ULK4: variants seen among roughly 807,000 people sequenced by gnomAD.
ULK4 encodes inactive serine/threonine-protein kinase ULK4.
A neutral mutation model predicts 160.6 loss-of-function variants in ULK4; 133 were observed. That is an observed-to-expected ratio of 0.83 (90% confidence interval 0.72 to 0.96). ULK4 has a LOEUF of 0.96. Among genes scored for constraint, ULK4 ranks in the 40% least tolerant of loss-of-function variants. ULK4 has a pLI of 0.00. For synonymous variants in ULK4, 534 were observed against 539.8 expected, an observed-to-expected ratio of 0.99 and a Z score of 0.15; for missense variants, 1,580 against 1,499.5, an observed-to-expected ratio of 1.05 and a Z score of -0.89.
chr3:41,635,379 T>C (rs1320270527), intron 30 of ULK4, among the ~76,000 whole-genome samples: 1 of 152,024 alleles, frequency 6.6e-6, no homozygotes, highest in Non-Finnish European at 1.5e-5. Flanking sequence ...TATAGTTTTG[T>C]CCTAATTATA....
At chr3:41,468,737 C>G (rs758502601) in intron 32 of ULK4, among the ~76,000 whole-genome samples, 16 of 152,166 alleles carry the variant, frequency 1.1e-4, no homozygotes, top group Non-Finnish European at 1.8e-4. Context: ...GAGGATTCTC[C>G]AGGAACTGGG....
intron 21 of ULK4, among the ~76,000 whole-genome samples, chr3:41,776,182 A>G (rs1426640444): frequency 6.6e-6 from 1 of 151,002 alleles, no homozygotes; most frequent in Non-Finnish European, 1.5e-5. Context: ...CATTTTATCC[A>G]TCAGTTTCTA....
intron 19 of ULK4, among the ~76,000 whole-genome samples, chr3:41,804,262 T>G (rs1335967844): frequency 6.6e-6 from 1 of 152,190 alleles, no homozygotes; most frequent in Non-Finnish European, 1.5e-5. Flanking sequence ...TTTCATGTGT[T>G]TTTTGCCTGC....
chr3:41,261,949 A>T (rs1276399068), intron 35 of ULK4, among the ~76,000 whole-genome samples: 3 of 152,212 alleles, frequency 2.0e-5, no homozygotes, highest in African/African-American at 4.8e-5. Flanking sequence ...CCATTATCTC[A>T]TGTTCTCTTC....
chr3:41,618,252 C>T (rs1344757715), intron 30 of ULK4, among the ~76,000 whole-genome samples: 3 of 152,144 alleles, frequency 2.0e-5, no homozygotes, highest in Non-Finnish European at 2.9e-5. Flanking sequence ...GGCCAACATT[C>T]AAATTCAGGA....
chr3:41,300,253 G>C (rs1460493409), intron 35 of ULK4, among the ~76,000 whole-genome samples: 3 of 152,170 alleles, frequency 2.0e-5, no homozygotes. Flanking sequence ...CATACAATTT[G>C]AAACTGCAAA....
intron 35 of ULK4, among the ~76,000 whole-genome samples, chr3:41,295,580 C>T (rs2079653000): frequency 7.7e-6 from 1 of 129,572 alleles, no homozygotes; most frequent in African/African-American, 2.8e-5. Flanking sequence ...ATTCTTAAAA[C>T]TGAACAGTAA....
At chr3:41,908,739 CG>C (rs1488855467) in intron 11 of ULK4, among the ~76,000 whole-genome samples, 2 of 152,026 alleles carry the variant, frequency 1.3e-5, no homozygotes, top group Non-Finnish European at 2.9e-5. Flanking sequence ...CCACTGTGCC[CG>C]GCCTGAGCTT....
intron 21 of ULK4, among the ~76,000 whole-genome samples, chr3:41,787,871 A>G (rs894530710): frequency 2.0e-5 from 3 of 152,220 alleles, no homozygotes; most frequent in Non-Finnish European, 2.9e-5. Context: ...TTATATTAAC[A>G]TAACAACCTA....
intron 16 of ULK4, among the ~76,000 whole-genome samples, chr3:41,887,342 T>C (rs1265705812): frequency 6.6e-6 from 1 of 152,234 alleles, no homozygotes; most frequent in Non-Finnish European, 1.5e-5. Context: ...CAAGCCACTA[T>C]TACTATATTA....
rs1366970571 is a variant in ULK4 at position 41,615,542 on chromosome 3, G to A, written c.3120+127C>T. ...AAGCTGAAGTCCAAGGAGGTTAAGT[G>A]TGATGATGATGGACGTACAATCCTT... On this transcript the variant is annotated intron_variant, in intron 31 of 36. Transcript: ENST00000301831. The A allele has an allele frequency of 4.8e-6, 4 of 828,362 alleles. No homozygotes were observed. The Admixed American group carries it at 7.6e-5, about 16-fold the overall frequency. The allele number at this position is 828,362 out of a possible 1,614,324, so 51.3% of individuals were successfully genotyped here.
intron 30 of ULK4, among the ~76,000 whole-genome samples, chr3:41,641,235 C>T (rs778291604): frequency 1.4e-4 from 22 of 152,156 alleles, no homozygotes; most frequent in Admixed American, 5.2e-4. Flanking sequence ...AGATGGAACA[C>T]GCACTTTCTA....
chr3:41,252,942 G>C (rs1319229806), intron 35 of ULK4, among the ~76,000 whole-genome samples: 1 of 152,044 alleles, frequency 6.6e-6, no homozygotes, highest in Non-Finnish European at 1.5e-5. Context: ...ACAATAATTT[G>C]AATTATTGTG....
intron 27 of ULK4, among the ~76,000 whole-genome samples, chr3:41,699,428 C>T (rs1322146100): frequency 6.6e-6 from 1 of 152,186 alleles, no homozygotes; most frequent in Non-Finnish European, 1.5e-5. Flanking sequence ...ATGTATACTG[C>T]AGCCAGAATT....
rs955827019 is a variant in ULK4 at position 41,390,804 on chromosome 3, G to T, written c.3678+7275C>A. 2.6e-5 allele frequency among the ~76,000 whole-genome samples: 4 copies of T among 152,066 alleles called. No homozygotes were observed. The East Asian group carries it at 7.7e-4, about 29-fold the overall frequency. ...ACTTCCAACTATGTGGTCTATTTTG[G>T]AATAGGTGCGGTGTGGTGCTGAGAA... On this transcript the variant is annotated intron_variant, in intron 35 of 36. Transcript: ENST00000301831.
At chr3:41,511,571 C>G (rs1449076016) in intron 32 of ULK4, among the ~76,000 whole-genome samples, 1 of 151,958 alleles carries the variant, frequency 6.6e-6, no homozygotes, top group African/African-American at 2.4e-5. Flanking sequence ...AATATAAAAC[C>G]CTCCTACATT....
intron 32 of ULK4, among the ~76,000 whole-genome samples, chr3:41,484,680 C>T (rs1436298855): frequency 1.3e-5 from 2 of 152,140 alleles, no homozygotes; most frequent in East Asian, 1.9e-4. Flanking sequence ...TCTTGATCTC[C>T]TGACCTTATG....
chr3:41,407,123 C>A (rs554459963), intron 34 of ULK4, among the ~76,000 whole-genome samples: 1 of 151,966 alleles, frequency 6.6e-6, no homozygotes, highest in Non-Finnish European at 1.5e-5. Flanking sequence ...GAAAGCAGGC[C>A]GAGGCTCAAT....
At chr3:41,706,582 CT>C (rs1160531782) in intron 25 of ULK4, among the ~76,000 whole-genome samples, 1 of 151,028 alleles carries the variant, frequency 6.6e-6, no homozygotes, top group East Asian at 1.9e-4. Context: ...AATCCCAGCA[CT>C]TTGGGAGGCC....
Sources: gnomAD v4.1 joint callset for allele counts (sites outside exome capture counted in the v4.1 genomes callset) on GRCh38, gnomAD v4.1.1 for gene constraint, MANE v1.5 for transcripts, NCBI Gene and HGNC (gene_info 2026-07-23, HGNC 2026-07-21) for gene names.